TRABD: variants seen among roughly 807,000 people sequenced by gnomAD.
TRABD encodes the protein traB domain-containing protein.
Under a neutral mutation model 39.6 loss-of-function variants are expected in TRABD, and 23 were observed. That is an observed-to-expected ratio of 0.58 (90% CI 0.42 to 0.82). TRABD has a LOEUF of 0.82. Among genes scored for constraint, TRABD ranks in the 40% least tolerant of loss-of-function variants. The pLI, the probability that TRABD is intolerant of heterozygous loss-of-function variation, is 0.00. For synonymous variants in TRABD, 243 were observed against 232.1 expected (o/e 1.05, Z -0.43); for missense variants, 487 against 544.9 (o/e 0.89, Z 1.06).
intron 1 of TRABD, among the ~76,000 whole-genome samples, chr22:50,187,628 A>G (rs763981511): frequency 2.0e-5 from 3 of 152,190 alleles, no homozygotes; most frequent in Non-Finnish European, 4.4e-5. Context: ...AGGGGATAAG[A>G]TGGGTGTCTT....
rs199830111 is a variant in TRABD, at chr22:50,198,097, C to T, written c.867C>T (p.Pro289=). The change falls in exon 9 of 10, where the codon CCC becomes CCT. Residue 289 remains proline (P), a synonymous_variant. Transcript: ENST00000380909. This position sits in a 1 kb window ranked among gnomAD's most constrained non-coding sequence, Gnocchi z 7.9. ...ASDAEPRKCV[P]SVVVGVVGMG... ...CAGCCGAGCCCAGGAAGTGCGTCCC[C>T]TCCGTGGTCGTGGGCGTCGTGGGCA... 3 of 1,612,802 alleles carry T rather than the reference C, an allele frequency of 1.9e-6. No homozygotes were observed. The highest frequency in any genetic ancestry group is 2.5e-6 in the Non-Finnish European group (3 of 1,179,742).
rs1040890455 is a variant in TRABD at position 50,194,205 on chromosome 22, C to G, written c.113-135C>G. On this transcript the variant is annotated intron_variant, in intron 3 of 9. Coordinates refer to ENST00000380909, the MANE Select transcript of TRABD (RefSeq NM_001320485.2). ...CAGGCAAAGCCTGTGGAGTGTGACG[C>G]TCGTCAGGAGTCTTGTGCTCTGCAC... 2.7e-6 allele frequency: 3 copies of G among 1,125,548 alleles called. No individual in the cohort carries two copies. In the African/African-American group the frequency reaches 4.7e-5, roughly 18 times the overall value. The allele number at this position is 1,125,548 out of a possible 1,614,324, so 69.7% of individuals were successfully genotyped here. A position where few individuals can be genotyped will look rare whatever the true frequency, so the allele number is the denominator to read the frequency against.
intron 1 of TRABD, chr22:50,191,859 T>C (rs2063916982): frequency 6.6e-6 from 1 of 152,250 alleles, no homozygotes; most frequent in Non-Finnish European, 1.5e-5. Context: ...TCAAAGTGAT[T>C]CTCCTGCCTC....
chr22:50,187,048 T>C (rs1020635844), intron 1 of TRABD, among the ~76,000 whole-genome samples: 2 of 152,206 alleles, frequency 1.3e-5, no homozygotes, highest in African/African-American at 4.8e-5. Context: ...GCGCTGTGTG[T>C]CTCTGCTCCC....
At chr22:50,197,417 C>T in intron 6 of TRABD, 32 bp from the exon 7 acceptor site, 1 of 1,612,648 alleles carries the variant, frequency 6.2e-7, no homozygotes, top group Non-Finnish European at 8.5e-7. Context: ...CCGGGGTTCC[C>T]ACTGCTCCCC....
intron 1 of TRABD, chr22:50,190,623 T>C (rs1471784721): frequency 6.6e-6 from 1 of 152,452 alleles, no homozygotes; most frequent in Non-Finnish European, 1.5e-5. Flanking sequence ...AGCCTTGCGC[T>C]GCTCTAATGG....
chr22:50,196,678 G>A (rs903305248), intron 5 of TRABD, among the ~76,000 whole-genome samples: 6 of 152,096 alleles, frequency 3.9e-5, no homozygotes, highest in African/African-American at 1.4e-4. Flanking sequence ...TTCGCAGAAC[G>A]AGACTGCCTC....
intron 1 of TRABD, among the ~76,000 whole-genome samples, chr22:50,190,159 G>A (rs1019565097): frequency 2.6e-5 from 4 of 152,334 alleles, no homozygotes; most frequent in African/African-American, 7.2e-5. Context: ...TTTAGGTGCT[G>A]GGGGGTCCTC....
chr22:50,197,151 C>T, intron 5 of TRABD, 90 bp from the exon 6 acceptor site: 1 of 1,322,252 alleles, frequency 7.6e-7, no homozygotes, highest in African/African-American at 1.4e-5. Flanking sequence ...GGGCTCTGCG[C>T]TGGTGCTGCC....
In TRABD at chr22:50,198,605, A is replaced by G; in HGVS notation, c.*86A>G. On this transcript the variant is annotated 3_prime_UTR_variant, in exon 10 of 10. Coordinates refer to ENST00000380909, the MANE Select transcript of TRABD (RefSeq NM_001320485.2). The surrounding 1 kb of genome is among the most constrained non-coding windows in gnomAD (Gnocchi z 7.9). ...TGCCAGGTGCATCCTAGCCCGCCCGAGGCCCCTGCCACCCCCCATGGGGGT... is the reference window on the plus strand; with the variant it reads ...TGCCAGGTGCATCCTAGCCCGCCCGGGGCCCCTGCCACCCCCCATGGGGGT... 1 of 1,361,818 alleles carries G rather than the reference A, an allele frequency of 7.3e-7. No homozygotes were observed. The highest frequency in any genetic ancestry group is 2.7e-5 in the East Asian group (1 of 37,152). The allele number at this position is 1,361,818 out of a possible 1,614,324, so 84.4% of individuals were successfully genotyped here.
chr22:50,194,204 G>A (rs1166011847), intron 3 of TRABD, 136 bp from the exon 4 acceptor site: 38 of 1,109,614 alleles, frequency 3.4e-5, no homozygotes, highest in East Asian at 1.0e-4. Flanking sequence ...GGAGTGTGAC[G>A]CTCGTCAGGA....
In TRABD at chr22:50,194,971, GGAC is replaced by G; in HGVS notation, c.354_356del (p.Asp118del). On this transcript the variant is annotated inframe_deletion, in exon 5 of 10. Coordinates refer to ENST00000380909, the MANE Select transcript of TRABD (RefSeq NM_001320485.2). ...AATATCGTGTGTCCATGCTGAAGAT[GGAC>G]GAGAGCACGCTGCTGCGGGAGGCCC... 2 of 1,612,356 alleles carry G rather than the reference GGAC, an allele frequency of 1.2e-6. No individual in the cohort carries two copies. The highest frequency in any genetic ancestry group is 8.5e-7 in the Non-Finnish European group (1 of 1,179,922).
chr22:50,196,405 G>A (rs982118080), intron 5 of TRABD, among the ~76,000 whole-genome samples: 1 of 152,252 alleles, frequency 6.6e-6, no homozygotes, highest in African/African-American at 2.4e-5. Flanking sequence ...AGGTGTGAGC[G>A]ATTGCCCGGC....
chr22:50,197,046 G>C, intron 5 of TRABD, 195 bp from the exon 6 acceptor site: 1 of 591,060 alleles, frequency 1.7e-6, no homozygotes, highest in South Asian at 2.1e-5. Context: ...TGCCTGTTGG[G>C]ACAGAACTCC....
chr22:50,190,806 G>A (rs1006328728), intron 1 of TRABD, among the ~76,000 whole-genome samples: 14 of 152,342 alleles, frequency 9.2e-5, no homozygotes, highest in African/African-American at 2.9e-4. Flanking sequence ...GGTGGGTTCC[G>A]GTCGGGTTGC....
intron 1 of TRABD, among the ~76,000 whole-genome samples, chr22:50,190,967 C>T (rs762182496): frequency 5.6e-4 from 85 of 152,352 alleles, no homozygotes; most frequent in Non-Finnish European, 1.0e-3. Flanking sequence ...GCCCAGGTGG[C>T]AAGGAGTGGG....
intron 5 of TRABD, among the ~76,000 whole-genome samples, chr22:50,196,269 A>G (rs562195267): frequency 6.6e-6 from 1 of 152,268 alleles, no homozygotes; most frequent in South Asian, 2.1e-4. Flanking sequence ...GGCCTCGTGA[A>G]TGTCTCATCC....
At position 50,195,016 on chromosome 22, in the gene TRABD, G is replaced by A. The variant is rs1160381972; in HGVS notation, c.396G>A (p.Glu132=). The change falls in exon 5 of 10, where the codon GAG becomes GAA. Residue 132 remains glutamate (E), a synonymous_variant. Coordinates refer to ENST00000380909, the MANE Select transcript of TRABD (RefSeq NM_001320485.2). The part of the protein sequence containing the change: ...LLREAQELSL[E]KLQQAVRQNG... Reference sequence around the variant, plus strand: ...GGGAGGCCCAGGAGCTCAGCCTGGAGAAGCTGCAGCAGGCCGTGAGGCAGG... The same window carrying A: ...GGGAGGCCCAGGAGCTCAGCCTGGAAAAGCTGCAGCAGGCCGTGAGGCAGG... 6.2e-7 allele frequency: 1 copy of A among 1,604,528 alleles called. No homozygotes were observed. The highest frequency in any genetic ancestry group is 8.5e-7 in the Non-Finnish European group (1 of 1,178,182).
intron 1 of TRABD, among the ~76,000 whole-genome samples, chr22:50,187,513 T>C (rs1179526565): frequency 6.6e-6 from 1 of 152,148 alleles, no homozygotes; most frequent in African/African-American, 2.4e-5. Context: ...AGTGGGTTGG[T>C]TGAGAGATGG....
Sources: allele counts gnomAD v4.1 joint callset (sites outside exome capture counted in the v4.1 genomes callset), GRCh38; gene constraint gnomAD v4.1.1; non-coding constraint Gnocchi (gnomAD v3.1); transcripts MANE v1.5; gene names NCBI Gene and HGNC (gene_info 2026-07-23, HGNC 2026-07-21).